ATP2C2: variants seen among roughly 807,000 people sequenced by gnomAD.
ATP2C2 encodes ATPase secretory pathway Ca2+ transporting 2, also known as calcium-transporting ATPase type 2C member 2.
Under a neutral mutation model 110.8 loss-of-function variants are expected in ATP2C2, and 171 were observed. That is an observed-to-expected ratio of 1.54 (90% confidence interval 1.36 to 1.75). The LOEUF (loss-of-function observed/expected upper bound fraction) is 1.75, where lower values mean the gene tolerates loss of function less well. Ranked by LOEUF, ATP2C2 falls within the 40% of genes most tolerant of loss-of-function variation. ATP2C2 has a pLI of 0.00. For missense variants in ATP2C2, 1,963 were observed against 1,235.0 expected, an observed-to-expected ratio of 1.59 and a Z score of -8.84; for synonymous variants, 804 against 508.4, an observed-to-expected ratio of 1.58 and a Z score of -7.82.
At chr16:84,426,082 A>T (rs1003155902) in intron 11 of ATP2C2, 9 of 419,986 alleles carry the variant, frequency 2.1e-5, no homozygotes, top group Middle Eastern at 7.0e-4. Context: ...AGGCTTGGTA[A>T]TTTATTAAGA....
At chr16:84,394,754 C>G (rs528636139) in intron 1 of ATP2C2, among the ~76,000 whole-genome samples, 5 of 152,122 alleles carry the variant, frequency 3.3e-5, no homozygotes, top group Admixed American at 6.5e-5. Flanking sequence ...CCTCCATCAT[C>G]ACAGGGTTTT....
chr16:84,389,261 C>G (rs534672327), intron 1 of ATP2C2, among the ~76,000 whole-genome samples: 1 of 152,190 alleles, frequency 6.6e-6, no homozygotes, highest in African/African-American at 2.4e-5. Context: ...GCCCCTCATT[C>G]CAGTACCTCT....
chr16:84,410,022 C>CAAT (rs1159021270), intron 4 of ATP2C2, among the ~76,000 whole-genome samples: 24 of 152,048 alleles, frequency 1.6e-4, no homozygotes, highest in Admixed American at 1.6e-3. Flanking sequence ...TCCTGGCCCA[C>CAAT]ATGGTGAAAG....
chr16:84,379,124 C>T (rs565655525), intron 1 of ATP2C2, among the ~76,000 whole-genome samples: 3 of 150,596 alleles, frequency 2.0e-5, no homozygotes, highest in South Asian at 4.2e-4. Flanking sequence ...CCTCTCTTCC[C>T]CTCCTTTCCC....
At position 84,405,941 on chromosome 16, in the gene ATP2C2, G is replaced by A. The variant is rs114524088; in HGVS notation, c.327+697G>A. Among the ~76,000 whole-genome samples the A allele has an allele frequency of 8.2e-3, 1,247 of 152,266 alleles. 28 individuals carry two copies. Among genetic ancestry groups the A allele is most frequent in the African/African-American group, 0.029 (1,201 of 41,562 alleles). On this transcript the variant is annotated intron_variant, in intron 3 of 26. Transcript: ENST00000262429. ...TCTCCACAACAACAACAAAACCAAA[G>A]TGAATTTCAGATAGATAAACAAGAA...
At chr16:84,412,554 G>GTGTGTGTGTGTGTGTA (rs1218739126) in intron 6 of ATP2C2, among the ~76,000 whole-genome samples, 1 of 42,000 alleles carries the variant, frequency 2.4e-5, no homozygotes, top group African/African-American at 6.0e-5. Context: ...ATGCGTGTGT[G>GTGTGTGTGTGTGTGTA]TGTGTGTGTG....
At position 84,451,817 on chromosome 16, in the gene ATP2C2, G is replaced by C. The variant is rs247886; in HGVS notation, c.1661-104G>C. Reference sequence around the variant, plus strand: ...TACACCACTGCACTCCAACCTGGGCGATAAGAACAAAACTCTCTTAAAAAA... The same window carrying C: ...TACACCACTGCACTCCAACCTGGGCCATAAGAACAAAACTCTCTTAAAAAA... On this transcript the variant is annotated intron_variant, in intron 17 of 26. Coordinates refer to ENST00000262429, the MANE Select transcript of ATP2C2 (RefSeq NM_014861.4). 3 of 1,205,750 alleles carry C rather than the reference G, an allele frequency of 2.5e-6. 1 individual carries two copies. Among genetic ancestry groups the C allele is most frequent in the South Asian group, 2.9e-5 (2 of 69,344 alleles). 74.7% of individuals were successfully genotyped at this position (1,205,750 alleles called of 1,614,324 possible).
chr16:84,425,770 C>G lies in ATP2C2; in HGVS notation c.955C>G (p.Gln319Glu), dbSNP rs62640932. 4.2e-4 allele frequency: 682 copies of G among 1,614,128 alleles called. 1 individual carries two copies. The African/African-American group carries it at 7.5e-3, about 18-fold the overall frequency. ...GCTCATTGGCTGGTCGCAAGGGAAACAACTCCTGAGTATGTTCACGATCGG... is the reference window on the plus strand; with the variant it reads ...GCTCATTGGCTGGTCGCAAGGGAAAGAACTCCTGAGTATGTTCACGATCGG... ...IMLIGWSQGK[Q>E]LLSMFTIGVS... The change falls in exon 11 of 27, where the codon CAA becomes GAA. Residue 319 changes from glutamine to glutamate, a missense_variant. By Grantham distance (29) the Gln-to-Glu change is conservative. Transcript: ENST00000262429.
At chr16:84,403,793 C>T (rs927801705) in intron 2 of ATP2C2, among the ~76,000 whole-genome samples, 36 of 152,080 alleles carry the variant, frequency 2.4e-4, no homozygotes, top group African/African-American at 7.7e-4. Context: ...CAGCTTCAAG[C>T]GATTCTCCTG....
At chr16:84,452,633 G>A (rs1027975799) in intron 18 of ATP2C2, among the ~76,000 whole-genome samples, 24 of 151,636 alleles carry the variant, frequency 1.6e-4, no homozygotes, top group African/African-American at 5.8e-4. Flanking sequence ...TGAGTAGCTG[G>A]GACTACAGGC....
At chr16:84,451,527 T>C (rs971773275) in intron 17 of ATP2C2, among the ~76,000 whole-genome samples, 3 of 152,160 alleles carry the variant, frequency 2.0e-5, no homozygotes, top group African/African-American at 7.2e-5. Flanking sequence ...GAGGAGGATC[T>C]GGGCCATGGT....
intron 17 of ATP2C2, 119 bp downstream of exon 17, chr16:84,448,808 G>A: frequency 1.5e-6 from 2 of 1,346,328 alleles, no homozygotes; most frequent in Non-Finnish European, 1.0e-6. Context: ...CAGGCAGCAT[G>A]CTGACGGCAA....
chr16:84,370,038 T>C (rs1909860212), intron 1 of ATP2C2, among the ~76,000 whole-genome samples: 1 of 152,252 alleles, frequency 6.6e-6, no homozygotes, highest in Non-Finnish European at 1.5e-5. Context: ...TCCTGTTTTT[T>C]CCTTTCCATC....
intron 11 of ATP2C2, among the ~76,000 whole-genome samples, chr16:84,437,853 G>A (rs1908885712): frequency 6.6e-6 from 1 of 152,204 alleles, no homozygotes. Flanking sequence ...GAAACCCTGT[G>A]CCCTTTAGCT....
At chr16:84,445,144 C>T (rs1567730853) in intron 15 of ATP2C2, among the ~76,000 whole-genome samples, 2 of 152,120 alleles carry the variant, frequency 1.3e-5, no homozygotes, top group Non-Finnish European at 2.9e-5. Context: ...CTGCCTTGGT[C>T]TCTCACACCA....
chr16:84,380,235 C>G (rs1346061658), intron 1 of ATP2C2, among the ~76,000 whole-genome samples: 1 of 152,160 alleles, frequency 6.6e-6, no homozygotes, highest in African/African-American at 2.4e-5. Flanking sequence ...TACCCCCTCC[C>G]CCAGATATCA....
chr16:84,442,328 C>T (rs908715784), intron 14 of ATP2C2, among the ~76,000 whole-genome samples, 182 bp from the exon 15 acceptor site: 2 of 152,074 alleles, frequency 1.3e-5, no homozygotes, highest in Non-Finnish European at 2.9e-5. Flanking sequence ...TTATGGGAAC[C>T]AACATTCAGC....
chr16:84,385,920 T>C (rs770212429), intron 1 of ATP2C2, among the ~76,000 whole-genome samples: 3 of 152,232 alleles, frequency 2.0e-5, no homozygotes, highest in Non-Finnish European at 4.4e-5. Flanking sequence ...AGCCAGGCCA[T>C]ATCAGAGTCC....
Position 84,422,464 on chromosome 16 carries a change from G to T in ATP2C2, c.699G>T (p.Leu233Phe). The change falls in exon 8 of 27, where the codon TTG becomes TTT. Residue 233 changes from leucine to phenylalanine, a missense_variant. Transcript: ENST00000262429. ...CATGTAGTAAAACAGACAGCCCCTT[G>T]ACAGGCGGTGGGGACCTCACCACCC... ...AEPCSKTDSP[L>F]TGGGDLTTLS... 6.2e-7 allele frequency: 1 copy of T among 1,614,112 alleles called. No individual in the cohort carries two copies. The highest frequency in any genetic ancestry group is 8.5e-7 in the Non-Finnish European group (1 of 1,180,030).
Sources: gnomAD v4.1 joint callset for allele counts (sites outside exome capture counted in the v4.1 genomes callset) on GRCh38, gnomAD v4.1.1 for gene constraint, MANE v1.5 for transcripts, NCBI Gene and HGNC (gene_info 2026-07-23, HGNC 2026-07-21) for gene names.